BTNL2: variants seen among roughly 807,000 people sequenced by gnomAD.
The protein encoded by BTNL2 is butyrophilin-like protein 2.
In BTNL2, 46 loss-of-function variants were observed where a neutral mutation model predicts 46.8. That is an observed-to-expected ratio of 0.98 (90% CI 0.78 to 1.26). The LOEUF (loss-of-function observed/expected upper bound fraction) is 1.26. BTNL2 is among the 50% of genes most tolerant of loss of function. The pLI is 0.00. For synonymous variants in BTNL2, 226 were observed against 229.1 expected, an observed-to-expected ratio of 0.99 and a Z score of 0.12; for missense variants, 461 against 592.6, an observed-to-expected ratio of 0.78 and a Z score of 2.31.
At position 32,405,283 on chromosome 6, in the gene BTNL2, T is replaced by A. The variant is rs375897659; in HGVS notation, c.83A>T (p.Asp28Val). 4.5e-5 allele frequency: 72 copies of A among 1,612,748 alleles called. 1 individual carries two copies. The highest frequency in any genetic ancestry group is 3.2e-4 in the African/African-American group (24 of 74,856). The change falls in exon 2 of 8, where the codon GAC (aspartate) becomes GTC (valine). Residue 28 changes from aspartate (D) to valine (V), a missense_variant. Physicochemically the swap from Asp to Val is radical, Grantham distance 152. Coordinates refer to ENST00000454136, the MANE Select transcript of BTNL2 (RefSeq NM_001304561.2). ...FILLTMKQSEDFRVIGPAHPI... is the reference protein window; with the variant it reads ...FILLTMKQSEVFRVIGPAHPI... ...ATGAGCAGGGCCAATGACTCTAAAG[T>A]CTTCTATAAAATAAGTGAAAAAGAG...
At chr6:32,401,733 T>C in intron 4 of BTNL2, 52 bp downstream of exon 4, 3 of 1,550,174 alleles carry the variant, frequency 1.9e-6, no homozygotes, top group Non-Finnish European at 1.8e-6. Context: ...CTCCCTCTGC[T>C]GGGGAGGGCA....
At chr6:32,395,050 C>T (rs1440820428) in intron 5 of BTNL2, 25 bp from the exon 6 acceptor site, 5 of 1,535,322 alleles carry the variant, frequency 3.3e-6, no homozygotes, top group African/African-American at 2.8e-5. Flanking sequence ...GCAACCAAAG[C>T]CTGGGGTCCT....
Position 32,403,019 on chromosome 6 carries a change from T to A in BTNL2, c.625A>T (p.Arg209Trp). Residue 209 changes from arginine to tryptophan, a missense_variant, in exon 3 of 8, where the codon AGG becomes TGG. By Grantham distance (101) the Arg-to-Trp change is moderately radical (BLOSUM62 -3). Coordinates refer to ENST00000454136, the MANE Select transcript of BTNL2 (RefSeq NM_001304561.2). ...LFYAEATLVV[R>W]NASAESVSCL... ...GACACAGACTCTGCAGAGGCGTTCC[T>A]GACCACCAGGGTGGCTTCCGCATAG... The A allele has an allele frequency of 5.6e-6, 9 of 1,612,888 alleles. No individual in the cohort carries two copies. The highest frequency in any genetic ancestry group is 7.6e-6 in the Non-Finnish European group (9 of 1,179,920).
Position 32,396,979 on chromosome 6 carries a change from A to G in BTNL2, c.731-593T>C, listed in dbSNP as rs1463069737. ...TGGGTGACAAAGCGAGACTTTAAAA[A>G]CAAACAAACAAAAAACACCCAGAAT... On this transcript the variant is annotated intron_variant, in intron 4 of 7. Coordinates refer to ENST00000454136, the MANE Select transcript of BTNL2 (RefSeq NM_001304561.2). The surrounding 1 kb of genome is among the most constrained non-coding windows in gnomAD (Gnocchi z 4.4). Among the ~76,000 whole-genome samples the G allele has an allele frequency of 6.7e-6, 1 of 148,248 alleles. No homozygotes were observed. Among genetic ancestry groups the G allele is most frequent in the African/African-American group, 2.5e-5 (1 of 39,834 alleles).
chr6:32,400,252 T>C (rs900652618), intron 4 of BTNL2, among the ~76,000 whole-genome samples: 1 of 152,176 alleles, frequency 6.6e-6, no homozygotes, highest in Non-Finnish European at 1.5e-5. Context: ...GGTGCCATAG[T>C]AGACTCTGGT....
Position 32,393,756 on chromosome 6 carries a change from C to G in BTNL2, c.*6+207G>C. On this transcript the variant is annotated intron_variant, in intron 7 of 7. Coordinates refer to ENST00000454136, the MANE Select transcript of BTNL2 (RefSeq NM_001304561.2). This position sits in a 1 kb window ranked among gnomAD's most constrained non-coding sequence, Gnocchi z 4.8. ...TCATTATCTTTTAATCATTTTGCTT[C>G]TATTACAAGTGGAAACACTGACCTC... is the stretch of plus-strand genomic sequence containing the variant. 3 of 528,148 alleles carry G rather than the reference C, an allele frequency of 5.7e-6. No homozygotes were observed. The highest frequency in any genetic ancestry group is 3.8e-5 in the South Asian group (1 of 26,358). 32.7% of individuals were successfully genotyped at this position (528,148 alleles called of 1,614,324 possible).
intron 4 of BTNL2, among the ~76,000 whole-genome samples, chr6:32,400,911 T>TAAAAAA (rs761420589): frequency 1.0e-4 from 8 of 77,276 alleles, no homozygotes; most frequent in Admixed American, 2.4e-4. Context: ...AGACTCCGTC[T>TAAAAAA]CAAAAAAAAA....
chr6:32,403,163 G>A lies in BTNL2; in HGVS notation c.481C>T (p.Gln161Ter), dbSNP rs1428338716. ...CAGCCCCTTGCAGTGCACACAAGCT[G>A]GACTCCACTCTCCCCAGGTCCCTCC... ...HMEGPGESGVQLVCTARGWFP... is the reference protein window; with the variant it reads ...HMEGPGESGV Residue 161 changes from glutamine to a stop codon, truncating the protein, a stop_gained, in exon 3 of 8, where the codon CAG becomes TAG. Transcript: ENST00000454136. LOFTEE classifies it high-confidence loss of function. 6.2e-7 allele frequency: 1 copy of A among 1,612,102 alleles called. No homozygotes were observed. Among genetic ancestry groups the A allele is most frequent in the African/African-American group, 1.3e-5 (1 of 74,798 alleles).
intron 4 of BTNL2, among the ~76,000 whole-genome samples, chr6:32,398,151 G>A (rs113669229): frequency 0.18 from 27,814 of 151,940 alleles, 2,792 homozygotes; most frequent in East Asian, 0.21. Context: ...GGCCCTGCCC[G>A]TGCCATTTTT....
Position 32,405,840 on chromosome 6 carries a change from T to C in BTNL2, c.80-554A>G, listed in dbSNP as rs1235129082. Among the ~76,000 whole-genome samples the C allele has an allele frequency of 1.0e-4, 15 of 145,670 alleles. No homozygotes were observed. The South Asian group carries it at 2.6e-3, about 26-fold the overall frequency. ...TTTGTTTTTTTTTTGTTTGTTTTTT[T>C]CCCGTCTGGAGTTGGCAGGAGGCCA... On this transcript the variant is annotated intron_variant, in intron 1 of 7. Transcript: ENST00000454136.
At chr6:32,398,152 TG>T (rs1194696571) in intron 4 of BTNL2, among the ~76,000 whole-genome samples, 2 of 140,382 alleles carry the variant, frequency 1.4e-5, no homozygotes, top group Non-Finnish European at 3.1e-5. Flanking sequence ...GCCCTGCCCG[TG>T]CCATTTTTTC....
At position 32,396,609 on chromosome 6, in the gene BTNL2, C is replaced by T. The variant is rs117752912; in HGVS notation, c.731-223G>A. Reference sequence around the variant, plus strand: ...ATGATGTGTGTCAGTCTGAGTAAAACAGTAATTGAATCCCTACCTGCTTCT... The same window carrying T: ...ATGATGTGTGTCAGTCTGAGTAAAATAGTAATTGAATCCCTACCTGCTTCT... On this transcript the variant is annotated intron_variant, in intron 4 of 7. Coordinates refer to ENST00000454136, the MANE Select transcript of BTNL2 (RefSeq NM_001304561.2). This position sits in a 1 kb window ranked among gnomAD's most constrained non-coding sequence, Gnocchi z 4.4. 0.017 allele frequency among the ~76,000 whole-genome samples: 2,659 copies of T among 152,232 alleles called. 77 individuals carry two copies. The highest frequency in any genetic ancestry group is 0.11 in the East Asian group (562 of 5,160).
At chr6:32,404,851 A>C in intron 2 of BTNL2, 88 bp downstream of exon 2, 1 of 1,285,078 alleles carries the variant, frequency 7.8e-7, no homozygotes, top group South Asian at 1.3e-5. Flanking sequence ...TTGATGATTC[A>C]AAAGGATTTC....
Position 32,396,244 on chromosome 6 carries a change from C to G in BTNL2, c.873G>C (p.Val291=). ...RWDRSHRYPA[V]HVYMDGDHVA... ...CATGGTCCCCATCCATATACACATG[C>G]ACAGCAGGGTAACGGTGGGATCGGT... is the stretch of plus-strand genomic sequence containing the variant. Residue 291 remains valine, a synonymous_variant, in exon 5 of 8, where the codon GTG becomes GTC. Coordinates refer to ENST00000454136, the MANE Select transcript of BTNL2 (RefSeq NM_001304561.2). The surrounding 1 kb of genome is among the most constrained non-coding windows in gnomAD (Gnocchi z 4.4). 1 of 1,613,120 alleles carries G rather than the reference C, an allele frequency of 6.2e-7. No homozygotes were observed. Among genetic ancestry groups the G allele is most frequent in the Non-Finnish European group, 8.5e-7 (1 of 1,180,042 alleles).
rs1776631948 is a variant in BTNL2, at chr6:32,399,587, T to C, written c.730+2198A>G. 6.6e-6 allele frequency among the ~76,000 whole-genome samples: 1 copy of C among 152,192 alleles called. No homozygotes were observed. The highest frequency in any genetic ancestry group is 1.5e-5 in the Non-Finnish European group (1 of 68,018). On this transcript the variant is annotated intron_variant, in intron 4 of 7. Transcript: ENST00000454136. This position sits in a 1 kb window ranked among gnomAD's most constrained non-coding sequence, Gnocchi z 5.2. ...TAAGGACTTGCACTGTTAAGTTAGA[T>C]AGATGTAGATTAGAAGGTAAACATC...
At chr6:32,403,348 C>A in intron 2 of BTNL2, 132 bp from the exon 3 acceptor site, 1 of 923,360 alleles carries the variant, frequency 1.1e-6, no homozygotes, top group Non-Finnish European at 1.6e-6. Context: ...AAGTCGACCT[C>A]AGTCTCCCCA....
At chr6:32,405,557 G>C in intron 1 of BTNL2, 1 of 466,138 alleles carries the variant, frequency 2.1e-6, no homozygotes, top group Non-Finnish European at 4.0e-6. Context: ...TATTACTCTT[G>C]GTAAGATTTT....
rs759406364 is a variant in BTNL2, at chr6:32,403,076, C to T, written c.568G>A (p.Glu190Lys). ...CCATCTTTATCTTGGATGCGATGCTCAGACACGGCCAGCAGCTTCTCTCCC... is the reference window on the plus strand; with the variant it reads ...CCATCTTTATCTTGGATGCGATGCTTAGACACGGCCAGCAGCTTCTCTCCC... ...IRGEKLLAVS[E>K]HRIQDKDGLF... The change falls in exon 3 of 8, where the codon GAG becomes AAG. Residue 190 changes from glutamate to lysine, a missense_variant. Physicochemically the swap from Glu to Lys is moderately conservative, Grantham distance 56 (BLOSUM62 1). Transcript: ENST00000454136. 1.9e-6 allele frequency: 3 copies of T among 1,612,806 alleles called. No individual in the cohort carries two copies. Among genetic ancestry groups the T allele is most frequent in the East Asian group, 2.2e-5 (1 of 44,864 alleles).
Position 32,399,562 on chromosome 6 carries a change from T to C in BTNL2, c.730+2223A>G, listed in dbSNP as rs536877081. ...GCTGACAAAGTCACACATAAGTAATTAAGGACTTGCACTGTTAAGTTAGAT... is the reference window on the plus strand; with the variant it reads ...GCTGACAAAGTCACACATAAGTAATCAAGGACTTGCACTGTTAAGTTAGAT... On this transcript the variant is annotated intron_variant, in intron 4 of 7. Transcript: ENST00000454136. The surrounding 1 kb of genome is among the most constrained non-coding windows in gnomAD (Gnocchi z 5.2). Among the ~76,000 whole-genome samples, 2 of 152,302 alleles carry C rather than the reference T, an allele frequency of 1.3e-5. No homozygotes were observed. Among genetic ancestry groups the C allele is most frequent in the East Asian group, 3.9e-4 (2 of 5,184 alleles).
Sources: allele counts gnomAD v4.1 joint callset (sites outside exome capture counted in the v4.1 genomes callset), GRCh38; gene constraint gnomAD v4.1.1; non-coding constraint Gnocchi (gnomAD v3.1); transcripts MANE v1.5; gene names NCBI Gene and HGNC (gene_info 2026-07-23, HGNC 2026-07-21).